Variants in PDXDC1 observed in about 807,000 individuals in gnomAD.
The protein encoded by PDXDC1 is pyridoxal dependent decarboxylase domain containing 1.
Under a neutral mutation model 100.1 loss-of-function variants are expected in PDXDC1, and 42 were observed. The ratio of observed to expected loss-of-function variants is 0.42; its 90% CI spans 0.33 to 0.54. The LOEUF (loss-of-function observed/expected upper bound fraction) is 0.54. Among genes scored for constraint, PDXDC1 ranks in the 20% least tolerant of loss-of-function variants. The pLI is 0.10. For missense variants in PDXDC1, 636 were observed against 979.2 expected (o/e 0.65, Z 4.68); for synonymous variants, 260 against 371.7 (o/e 0.70, Z 3.46).
At chr16:15,041,997 A>G (rs16966953), downstream of PDXDC1, among the ~76,000 whole-genome samples, 45,867 of 152,082 alleles carry the variant, frequency 0.3, 7,419 homozygotes, top group Admixed American at 0.44. Flanking sequence ...TCTCCTAACT[A>G]AACTGTTTTC....
intron 1 of PDXDC1, among the ~76,000 whole-genome samples, chr16:14,991,422 T>G (rs1970797135): frequency 6.6e-6 from 1 of 152,224 alleles, no homozygotes; most frequent in African/African-American, 2.4e-5. Context: ...CACCTAAACC[T>G]CCCAAGTAGT....
intron 16 of PDXDC1, among the ~76,000 whole-genome samples, chr16:15,030,343 G>A (rs1225731872): frequency 6.6e-6 from 1 of 152,166 alleles, no homozygotes; most frequent in Admixed American, 6.5e-5. Context: ...TCAGGAGTTC[G>A]AGACCAGCCT....
chr16:15,104,888 A>C (rs2046736477), intron 16 of PDXDC1: 13 of 1,529,572 alleles, frequency 8.5e-6, no homozygotes, highest in Non-Finnish European at 1.1e-5. Flanking sequence ...CAGGTTTCAA[A>C]ATAGCAGTAT....
At chr16:15,033,074 C>G (rs2043164285) in intron 18 of PDXDC1, 95 bp downstream of exon 18, 1 of 1,001,282 alleles carries the variant, frequency 1.0e-6, no homozygotes, top group African/African-American at 1.6e-5. Context: ...GGGCTAGCGC[C>G]TCTCGGGCTG....
chr16:14,981,804 GTTGGGTATTTTTGTCC>G (rs1270047923), intron 1 of PDXDC1, among the ~76,000 whole-genome samples: 2 of 151,970 alleles, frequency 1.3e-5, no homozygotes, highest in African/African-American at 4.8e-5. Flanking sequence ...CCTTTCCACT[GTTGGGTATTTTTGTCC>G]TTTTCTTTTG....
chr16:15,047,402 C>G, intron 16 of PDXDC1: 1 of 1,329,006 alleles, frequency 7.5e-7, no homozygotes, highest in Non-Finnish European at 1.1e-6. Context: ...GCGACGGTTC[C>G]AAGATCTCAA....
intron 16 of PDXDC1, chr16:15,125,691 C>T: frequency 2.2e-6 from 3 of 1,369,710 alleles, no homozygotes; most frequent in Middle Eastern, 2.5e-4. Context: ...GAGCCCTCAC[C>T]TCAGCGTGGA....
Position 15,130,671 on chromosome 16 carries a change from G to C in PDXDC1, c.1400-8208G>C, listed in dbSNP as rs747807048. 336 of 1,453,404 alleles carry C rather than the reference G, an allele frequency of 2.3e-4. 1 individual carries two copies. In the East Asian group the frequency reaches 6.8e-3, roughly 29 times the overall value. The allele number at this position is 1,453,404 out of a possible 1,614,324, so 90.0% of individuals were successfully genotyped here. On this transcript the variant is annotated intron_variant, in intron 16 of 16. Transcript: ENST00000535621. ...GAAGAAGGTGTAGGGCCGGTGGTCG[G>C]CACCCTGGAGGGACTCTGGGCGGAT...
chr16:15,029,152 C>T, intron 15 of PDXDC1, 186 bp downstream of exon 15: 1 of 684,272 alleles, frequency 1.5e-6, no homozygotes, highest in Non-Finnish European at 2.6e-6. Context: ...TGGGTCACCT[C>T]TGGCAAGTCC....
At chr16:14,990,673 T>G (rs1392200687) in intron 1 of PDXDC1, among the ~76,000 whole-genome samples, 13 of 152,290 alleles carry the variant, frequency 8.5e-5, no homozygotes, top group African/African-American at 3.1e-4. Context: ...AACTTAACTA[T>G]CAGTGCTGCT....
rs772776016 is a variant in PDXDC1 at position 15,036,570 on chromosome 16, C to A, written c.*295C>A. 7 of 437,780 alleles carry A rather than the reference C, an allele frequency of 1.6e-5. No homozygotes were observed. Among genetic ancestry groups the A allele is most frequent in the Non-Finnish European group, 2.0e-5 (5 of 245,258 alleles). 27.1% of individuals were successfully genotyped at this position (437,780 alleles called of 1,614,324 possible). On this transcript the variant is annotated 3_prime_UTR_variant, in exon 23 of 23. Coordinates refer to ENST00000396410, the MANE Select transcript of PDXDC1 (RefSeq NM_015027.4). Reference sequence around the variant, plus strand: ...AATTTCAAGTGTCTACCAGTAGCACCCTTGCTCTTTCTAAACATAAGCCTA... The same window carrying A: ...AATTTCAAGTGTCTACCAGTAGCACACTTGCTCTTTCTAAACATAAGCCTA...
At chr16:15,044,630 G>A (rs2043971382) in intron 16 of PDXDC1, 8 of 579,440 alleles carry the variant, frequency 1.4e-5, no homozygotes, top group South Asian at 2.2e-5. Context: ...GAGGGGATCC[G>A]TATCTGAACA....
downstream of PDXDC1, chr16:15,040,916 G>C: frequency 1.5e-6 from 1 of 657,666 alleles, no homozygotes; most frequent in East Asian, 2.6e-5. Context: ...TAAGCTACTT[G>C]CCCAAGGCCT....
intron 1 of PDXDC1, among the ~76,000 whole-genome samples, chr16:14,979,199 A>G (rs1967381651): frequency 6.6e-6 from 1 of 152,296 alleles, no homozygotes; most frequent in Admixed American, 6.5e-5. Context: ...CTCAGCAGCC[A>G]CATGTGGCTG....
intron 16 of PDXDC1, among the ~76,000 whole-genome samples, chr16:15,088,276 G>A (rs1421643095): frequency 2.0e-5 from 3 of 152,060 alleles, no homozygotes; most frequent in Non-Finnish European, 4.4e-5. Flanking sequence ...AGGAATTTGA[G>A]ACCAGCCTGG....
At position 15,036,078 on chromosome 16, in the gene PDXDC1, A is replaced by G. The variant is rs1471747487; in HGVS notation, c.2170A>G (p.Ser724Gly). 48 of 1,614,066 alleles carry G rather than the reference A, an allele frequency of 3.0e-5. No homozygotes were observed. Among genetic ancestry groups the G allele is most frequent in the Non-Finnish European group, 4.0e-5 (47 of 1,180,010 alleles). ...SDALSETSSVSHIEDLEKVER... is the reference protein window; with the variant it reads ...SDALSETSSVGHIEDLEKVER... ...TGCTTTGAGTGAGACCAGCTCAGTC[A>G]GTCACATTGAAGACTTAGAAAAGGT... Residue 724 changes from serine (S) to glycine (G), a missense_variant, in exon 23 of 23, where the codon AGT (serine) becomes GGT (glycine). This residue lies in a region of PDXDC1 where 452 missense variants were observed against 402.9 expected (regional missense o/e 1.12). Transcript: ENST00000396410.
chr16:15,084,129 C>G (rs927616111), intron 16 of PDXDC1, among the ~76,000 whole-genome samples: 2 of 152,186 alleles, frequency 1.3e-5, no homozygotes, highest in African/African-American at 2.4e-5. Flanking sequence ...TTCTCTCCCA[C>G]AGAAACATAA....
In PDXDC1 at chr16:15,100,453, C is replaced by A. The variant is rs571601883; in HGVS notation, c.1400-38426C>A. ...CTCATCCCAGTATCTCAGAGAAATA[C>A]AAAGCAGTTTCTTAGATTTGGCATC... On this transcript the variant is annotated intron_variant, in intron 16 of 16. Coordinates refer to the PDXDC1 transcript ENST00000535621. 1.0e-3 allele frequency among the ~76,000 whole-genome samples: 155 copies of A among 152,246 alleles called. 2 individuals are homozygous for A. In the South Asian group the frequency reaches 0.014, roughly 14 times the overall value.
chr16:15,051,712 T>G (rs1048670197), intron 16 of PDXDC1, among the ~76,000 whole-genome samples: 2 of 149,464 alleles, frequency 1.3e-5, no homozygotes, highest in Non-Finnish European at 3.0e-5. Context: ...TTTTTTTTTT[T>G]TTTTTAGAGA....
Sources: allele counts gnomAD v4.1 joint callset (sites outside exome capture counted in the v4.1 genomes callset), GRCh38; gene constraint gnomAD v4.1.1; regional missense constraint gnomAD v4.1.1; transcripts MANE v1.5; gene names NCBI Gene and HGNC (gene_info 2026-07-23, HGNC 2026-07-21).